Variants in SH3TC1 observed in about 807,000 individuals in gnomAD.
SH3TC1 encodes SH3 domain and tetratricopeptide repeat-containing protein 1.
A neutral mutation model predicts 117.3 loss-of-function variants in SH3TC1; 135 were observed. The ratio of observed to expected loss-of-function variants is 1.15; its 90% CI spans 1.00 to 1.33. The LOEUF (loss-of-function observed/expected upper bound fraction) is 1.33. SH3TC1 is among the 40% of genes most tolerant of loss of function. The pLI is 0.00. For synonymous variants in SH3TC1, 898 were observed against 816.9 expected, an observed-to-expected ratio of 1.10 and a Z score of -1.69; for missense variants, 2,092 against 1,794.3, an observed-to-expected ratio of 1.17 and a Z score of -3.00.
upstream of SH3TC1, among the ~76,000 whole-genome samples, chr4:8,197,010 C>T (rs1261758593): frequency 6.6e-6 from 1 of 152,170 alleles, no homozygotes; most frequent in Non-Finnish European, 1.5e-5. Context: ...GTGAACCTGA[C>T]CTTATTTGGG....
intron 12 of SH3TC1, among the ~76,000 whole-genome samples, chr4:8,229,839 T>C (rs1720983225): frequency 6.6e-6 from 1 of 152,126 alleles, no homozygotes; most frequent in African/African-American, 2.4e-5. Flanking sequence ...TGGCACCTCC[T>C]ACGAGGCCCT....
At chr4:8,221,659 T>C (rs1003639180) in intron 9 of SH3TC1, among the ~76,000 whole-genome samples, 1 of 152,228 alleles carries the variant, frequency 6.6e-6, no homozygotes, top group Non-Finnish European at 1.5e-5. Context: ...CCCTAAATAA[T>C]GCAGTATGTG....
rs1243743010 is a variant in SH3TC1 at position 8,210,374 on chromosome 4, G to A, written c.247+552G>A. ...TCCATTGCTGGCTTTGCCCCTTGGC[G>A]GTGATGCCCGACTGTCCTTTGACTT... On this transcript the variant is annotated intron_variant, in intron 3 of 17. Transcript: ENST00000245105. This position sits in a 1 kb window ranked among gnomAD's most constrained non-coding sequence, Gnocchi z 4.1. Among the ~76,000 whole-genome samples, 2 of 152,262 alleles carry A rather than the reference G, an allele frequency of 1.3e-5. No individual in the cohort carries two copies. Among genetic ancestry groups the A allele is most frequent in the Non-Finnish European group, 2.9e-5 (2 of 68,046 alleles).
Position 8,214,552 on chromosome 4 carries a change from C to G in SH3TC1, c.453C>G (p.Ile151Met), listed in dbSNP as rs1280988669. ...TGACGTTTAAGACTTTTGAAGAAAT[C>G]TGGAAGTTTTCCACCTACCATGCTC... ...IVVTFKTFEE[I>M]WKFSTYHALG... Residue 151 changes from isoleucine (I) to methionine (M), a missense_variant, in exon 5 of 18, where the codon ATC (isoleucine) becomes ATG (methionine). By Grantham distance (10) the Ile-to-Met change is conservative. Transcript: ENST00000245105. 6.2e-7 allele frequency: 1 copy of G among 1,613,976 alleles called. No homozygotes were observed. Among genetic ancestry groups the G allele is most frequent in the East Asian group, 2.2e-5 (1 of 44,880 alleles).
At chr4:8,233,000 G>A (rs558052765) in intron 13 of SH3TC1, 90 of 1,198,222 alleles carry the variant, frequency 7.5e-5, no homozygotes, top group Non-Finnish European at 9.2e-5. Flanking sequence ...GCCTCTGGAT[G>A]ACTGTGATGC....
rs986368503 is a variant in SH3TC1 at position 8,228,495 on chromosome 4, C to G, written c.2801C>G (p.Ser934Trp). The G allele has an allele frequency of 6.2e-7, 1 of 1,611,308 alleles. No homozygotes were observed. Among genetic ancestry groups the G allele is most frequent in the Non-Finnish European group, 8.5e-7 (1 of 1,179,444 alleles). ...HYLLEAVRLF[S>W]RLPLGECGRD... Reference sequence around the variant, plus strand: ...CTCCTGGAGGCCGTGCGGCTGTTCTCGAGGCTGCCCCTTGGGGAGTGTGGC... The same window carrying G: ...CTCCTGGAGGCCGTGCGGCTGTTCTGGAGGCTGCCCCTTGGGGAGTGTGGC... Residue 934 changes from serine to tryptophan, a missense_variant, in exon 12 of 18, where the codon TCG becomes TGG. Ser to Trp is a radical substitution (Grantham distance 177, BLOSUM62 -3). Transcript: ENST00000245105.
intron 1 of SH3TC1, among the ~76,000 whole-genome samples, chr4:8,193,708 G>T (rs1717479721): frequency 6.6e-6 from 1 of 152,218 alleles, no homozygotes; most frequent in Non-Finnish European, 1.5e-5. Flanking sequence ...GAGCTGAGAT[G>T]GGGGTGCTGC....
rs140384162 is a variant in SH3TC1 at position 8,227,125 on chromosome 4, G to T, written c.1431G>T (p.Leu477Phe). The T allele has an allele frequency of 6.2e-6, 10 of 1,612,474 alleles. No individual in the cohort carries two copies. In the Admixed American group the frequency reaches 8.4e-5, roughly 13 times the overall value. Residue 477 changes from leucine (L) to phenylalanine (F), a missense_variant, in exon 12 of 18, where the codon TTG (leucine) becomes TTT (phenylalanine). Coordinates refer to ENST00000245105, the MANE Select transcript of SH3TC1 (RefSeq NM_018986.5). ...GTGCGGCATCCAGCGACGTGAGCTT[G>T]CAGGACCCCGAGGAGCCCTCCTTCT... ...GLCAASSDVS[L>F]QDPEEPSFCL...
At chr4:8,198,712 G>A (rs980934948), upstream of SH3TC1, among the ~76,000 whole-genome samples, 1 of 152,248 alleles carries the variant, frequency 6.6e-6, no homozygotes, top group Non-Finnish European at 1.5e-5. Flanking sequence ...TTGCGGTGAG[G>A]AGGAGGGGAG....
chr4:8,217,096 G>T lies in SH3TC1; in HGVS notation c.768G>T (p.Pro256=), dbSNP rs753472577. The T allele has an allele frequency of 1.2e-6, 2 of 1,612,976 alleles. No homozygotes were observed. Among genetic ancestry groups the T allele is most frequent in the African/African-American group, 1.3e-5 (1 of 74,940 alleles). ...GEAAPETDSS[P]PSPSVSSEEV... ...CGGCCCCGGAAACAGACTCTTCACC[G>T]CCGAGCCCCAGCGTGTCCTCCGAGG... is the stretch of plus-strand genomic sequence containing the variant. The change falls in exon 7 of 18, where the codon CCG becomes CCT. Residue 256 remains proline, a synonymous_variant. Coordinates refer to ENST00000245105, the MANE Select transcript of SH3TC1 (RefSeq NM_018986.5).
intron 7 of SH3TC1, 131 bp from the exon 8 acceptor site, chr4:8,218,140 G>T (rs905140199): frequency 1.7e-6 from 1 of 585,848 alleles, no homozygotes; most frequent in Non-Finnish European, 3.1e-6. Flanking sequence ...GTGTGTGCAC[G>T]TGTGTGTGTT....
intron 3 of SH3TC1, among the ~76,000 whole-genome samples, chr4:8,211,290 C>G (rs1279302980): frequency 4.4e-4 from 22 of 49,478 alleles, no homozygotes; most frequent in African/African-American, 1.7e-3. Flanking sequence ...CCTTCTCCCC[C>G]TCCCGTTTTC....
rs1315639899 is a variant in SH3TC1, at chr4:8,205,040, G to C, written c.-28-127G>C. 1.5e-6 allele frequency: 1 copy of C among 687,980 alleles called. No homozygotes were observed. The highest frequency in any genetic ancestry group is 2.3e-6 in the Non-Finnish European group (1 of 442,252). 42.6% of individuals were successfully genotyped at this position (687,980 alleles called of 1,614,324 possible). On this transcript the variant is annotated intron_variant, in intron 1 of 17. Coordinates refer to ENST00000245105, the MANE Select transcript of SH3TC1 (RefSeq NM_018986.5). This position sits in a 1 kb window ranked among gnomAD's most constrained non-coding sequence, Gnocchi z 5.4. ...CGGTGCACGGTGCGGTGAGGGGCTCGCTGGATCTGAAAGGTGCAGGCGCTC... is the reference window on the plus strand; with the variant it reads ...CGGTGCACGGTGCGGTGAGGGGCTCCCTGGATCTGAAAGGTGCAGGCGCTC...
intron 10 of SH3TC1, among the ~76,000 whole-genome samples, chr4:8,224,120 T>G (rs1720228930): frequency 6.6e-6 from 1 of 152,190 alleles, no homozygotes; most frequent in Non-Finnish European, 1.5e-5. Flanking sequence ...TACACACATG[T>G]GCATGCACCT....
rs1719336318 is a variant in SH3TC1, at chr4:8,216,897, G to GAC, written c.629-60_629-59insAC. On this transcript the variant is annotated intron_variant, in intron 6 of 17. Transcript: ENST00000245105. ...TGTCTGTCCGGCAGGGGTGTGGGGG[G>GAC]CAGGGCCACAGCTGCGCCCAGTCCG... 1.5e-5 allele frequency: 24 copies of GAC among 1,555,586 alleles called. No homozygotes were observed. The Admixed American group carries it at 4.0e-4, about 26-fold the overall frequency.
chr4:8,232,004 C>T lies in SH3TC1; in HGVS notation c.2979C>T (p.Cys993=). Residue 993 remains cysteine, a synonymous_variant, in exon 13 of 18, where the codon TGC becomes TGT. Transcript: ENST00000245105. The part of the protein sequence containing the change: ...ESQLRAVQRL[C]HFYSAVMPSE... ...AGCTGCGGGCCGTCCAGCGGCTGTG[C>T]CACTTCTACAGCGCCGTCATGCCCA... The T allele has an allele frequency of 1.2e-6, 2 of 1,612,442 alleles. No individual in the cohort carries two copies. The highest frequency in any genetic ancestry group is 1.3e-5 in the African/African-American group (1 of 75,056).
Position 8,231,996 on chromosome 4 carries a change from C to A in SH3TC1, c.2971C>A (p.Arg991=), listed in dbSNP as rs761154989. The change falls in exon 13 of 18, where the codon CGG becomes AGG. Residue 991 remains arginine (R), a synonymous_variant. Transcript: ENST00000245105. ...CCCAGGCCAGCTGCGGGCCGTCCAGCGGCTGTGCCACTTCTACAGCGCCGT... is the reference window on the plus strand; with the variant it reads ...CCCAGGCCAGCTGCGGGCCGTCCAGAGGCTGTGCCACTTCTACAGCGCCGT... ...HVESQLRAVQ[R]LCHFYSAVMP... 4 of 1,611,910 alleles carry A rather than the reference C, an allele frequency of 2.5e-6. No homozygotes were observed. The highest frequency in any genetic ancestry group is 1.3e-5 in the African/African-American group (1 of 74,924).
rs144877827 is a variant in SH3TC1, at chr4:8,192,785, C to T, written c.-57+10575C>T. On this transcript the variant is annotated intron_variant, in intron 1 of 16. Coordinates refer to the SH3TC1 transcript ENST00000508641. The surrounding 1 kb of genome is among the most constrained non-coding windows in gnomAD (Gnocchi z 4.1). ...GGGATTACAGGCGTGAGCCACGGTG[C>T]CCGGCCCACTTGTCTTTATTTGTTG... Among the ~76,000 whole-genome samples, 34 of 152,344 alleles carry T rather than the reference C, an allele frequency of 2.2e-4. 1 individual carries two copies. The highest frequency in any genetic ancestry group is 7.5e-4 in the African/African-American group (31 of 41,576).
intron 1 of SH3TC1, among the ~76,000 whole-genome samples, chr4:8,188,744 G>A (rs1717314107): frequency 1.3e-5 from 2 of 152,236 alleles, no homozygotes; most frequent in Non-Finnish European, 1.5e-5. Flanking sequence ...CCACGCCCCT[G>A]TGACGCCACC....
Sources: gnomAD v4.1 joint callset for allele counts (sites outside exome capture counted in the v4.1 genomes callset) on GRCh38, gnomAD v4.1.1 for gene constraint, Gnocchi (gnomAD v3.1) non-coding constraint, MANE v1.5 for transcripts, NCBI Gene and HGNC (gene_info 2026-07-23, HGNC 2026-07-21) for gene names.